Variants in FRMD4A observed in about 807,000 individuals in gnomAD.
FRMD4A encodes FERM domain-containing protein 4A.
Under a neutral mutation model 129.1 loss-of-function variants are expected in FRMD4A, and 29 were observed. That is an observed-to-expected ratio of 0.22 (90% CI 0.17 to 0.31). The LOEUF is 0.31. Among genes scored for constraint, FRMD4A ranks in the 10% least tolerant of loss-of-function variants. The probability of loss-of-function intolerance (pLI) is 1.00; values close to 1 mark genes in which losing one functional copy is unlikely to be tolerated. For synonymous variants in FRMD4A, 634 were observed against 571.6 expected, an observed-to-expected ratio of 1.11 and a Z score of -1.56; for missense variants, 1,272 against 1,375.8, an observed-to-expected ratio of 0.92 and a Z score of 1.19.
chr10:13,657,253 G>A lies in FRMD4A; in HGVS notation c.2336C>T (p.Ala779Val), dbSNP rs139853925. 1.3e-6 allele frequency: 2 copies of A among 1,595,288 alleles called. No individual in the cohort carries two copies. The highest frequency in any genetic ancestry group is 1.7e-6 in the Non-Finnish European group (2 of 1,174,660). ...STLAEDSPSK[A>V]RQRQRQRQRA... Reference sequence around the variant, plus strand: ...CTGCCGCTGCCTCTGCCTCTGGCGCGCCTTGGACGGCGAGTCCTCGGCCAG... The same window carrying A: ...CTGCCGCTGCCTCTGCCTCTGGCGCACCTTGGACGGCGAGTCCTCGGCCAG... Residue 779 changes from alanine to valine, a missense_variant, in exon 22 of 25, where the codon GCG (alanine) becomes GTG (valine). Transcript: ENST00000357447.
chr10:13,893,433 G>T (rs1176305958), intron 2 of FRMD4A, among the ~76,000 whole-genome samples: 1 of 152,142 alleles, frequency 6.6e-6, no homozygotes, highest in Non-Finnish European at 1.5e-5. Context: ...AGGGCATATT[G>T]TTTCTTTGCA....
At chr10:14,203,539 G>A (rs976001264) in intron 2 of FRMD4A, among the ~76,000 whole-genome samples, 5 of 152,170 alleles carry the variant, frequency 3.3e-5, no homozygotes, top group African/African-American at 1.2e-4. Context: ...TCTGGCTTTT[G>A]CCCTTCTCTA....
At chr10:13,865,585 G>A (rs893281979) in intron 2 of FRMD4A, among the ~76,000 whole-genome samples, 1 of 151,704 alleles carries the variant, frequency 6.6e-6, no homozygotes, top group Non-Finnish European at 1.5e-5. Context: ...TGAGTATCTG[G>A]GACTACAGGC....
At chr10:13,979,034 G>A (rs1248249033) in intron 2 of FRMD4A, among the ~76,000 whole-genome samples, 2 of 152,128 alleles carry the variant, frequency 1.3e-5, no homozygotes, top group East Asian at 1.9e-4. Context: ...AACCAGAGCC[G>A]CCTGAATTAA....
chr10:13,964,490 G>GA, intron 2 of FRMD4A, among the ~76,000 whole-genome samples: 1 of 140,816 alleles, frequency 7.1e-6, no homozygotes. Context: ...GGTGGGTGGG[G>GA]AGGCAATAGA....
chr10:14,136,482 T>C (rs1839541575), intron 2 of FRMD4A, among the ~76,000 whole-genome samples: 1 of 152,144 alleles, frequency 6.6e-6, no homozygotes, highest in African/African-American at 2.4e-5. Flanking sequence ...TCCTCTGCCC[T>C]ATTGCTTATG....
chr10:13,839,029 C>G (rs1387167432), intron 3 of FRMD4A, among the ~76,000 whole-genome samples: 6 of 112,500 alleles, frequency 5.3e-5, no homozygotes, highest in Admixed American at 2.5e-4. Flanking sequence ...TAGGGTCTTG[C>G]TCTGTCACTC....
At chr10:13,799,284 AGTAGCT>A (rs1341203143) in intron 4 of FRMD4A, among the ~76,000 whole-genome samples, 2 of 151,976 alleles carry the variant, frequency 1.3e-5, no homozygotes, top group Non-Finnish European at 2.9e-5. Context: ...CAGCCTCCTG[AGTAGCT>A]GGGACTACAG....
At chr10:13,742,892 A>G (rs566540648) in intron 9 of FRMD4A, among the ~76,000 whole-genome samples, 54 of 152,002 alleles carry the variant, frequency 3.6e-4, no homozygotes, top group African/African-American at 1.2e-3. Flanking sequence ...CAGTTTTAGC[A>G]AGGCCAGTGT....
chr10:14,271,809 A>T (rs1439598536), intron 2 of FRMD4A, among the ~76,000 whole-genome samples: 1 of 152,218 alleles, frequency 6.6e-6, no homozygotes, highest in Non-Finnish European at 1.5e-5. Context: ...TTGCATTTTT[A>T]AAAATGCACG....
chr10:14,131,220 C>T (rs926886592), intron 2 of FRMD4A, among the ~76,000 whole-genome samples: 1 of 152,186 alleles, frequency 6.6e-6, no homozygotes, highest in Non-Finnish European at 1.5e-5. Context: ...AATCTCTCCT[C>T]TAACGACAAC....
At chr10:14,151,116 G>A (rs1840317118) in intron 2 of FRMD4A, among the ~76,000 whole-genome samples, 2 of 152,118 alleles carry the variant, frequency 1.3e-5, no homozygotes, top group Admixed American at 1.3e-4. Flanking sequence ...TCCTGAGTCT[G>A]GTAGGGTATC....
At chr10:14,258,917 G>A (rs1564422809) in intron 2 of FRMD4A, among the ~76,000 whole-genome samples, 1 of 152,150 alleles carries the variant, frequency 6.6e-6, no homozygotes, top group Non-Finnish European at 1.5e-5. Context: ...AGTACATGTT[G>A]CATGAATCTA....
intron 2 of FRMD4A, among the ~76,000 whole-genome samples, chr10:14,130,258 A>G (rs10906605): frequency 0.35 from 53,454 of 152,006 alleles, 9,644 homozygotes; most frequent in East Asian, 0.55. Flanking sequence ...TATTTTTAAA[A>G]ACTAATTTGT....
At chr10:13,997,619 CTTTTCTTTTTTTT>C (rs2095627333) in intron 2 of FRMD4A, among the ~76,000 whole-genome samples, 2 of 127,616 alleles carry the variant, frequency 1.6e-5, no homozygotes, top group East Asian at 6.4e-4. Flanking sequence ...CTTTTCTTTT[CTTTTCTTTTTTTT>C]TTTTTTTTGA....
rs527633113 is a variant in FRMD4A, at chr10:13,819,745, G to C, written c.112-8837C>G. ...GAGATGGGGTCTGGAGTGCGGGCTG[G>C]AGTACAGTGGCACGATCTCAGGCTG... On this transcript the variant is annotated intron_variant, in intron 3 of 24. Transcript: ENST00000357447. 4.0e-5 allele frequency among the ~76,000 whole-genome samples: 6 copies of C among 149,658 alleles called. No homozygotes were observed. The Admixed American group carries it at 4.0e-4, about 10-fold the overall frequency.
chr10:13,859,202 T>C (rs546215694), intron 2 of FRMD4A, among the ~76,000 whole-genome samples: 22 of 152,188 alleles, frequency 1.4e-4, no homozygotes, highest in Admixed American at 1.0e-3. Flanking sequence ...CTGACTAACA[T>C]GGAGAAACCC....
Position 13,693,910 on chromosome 10 carries a change from GGCTGCCGCT to G in FRMD4A, c.1096_1104del (p.Ser366_Ser368del). 3.1e-6 allele frequency: 5 copies of G among 1,608,260 alleles called. 1 individual carries two copies. The highest frequency in any genetic ancestry group is 4.2e-6 in the Non-Finnish European group (5 of 1,178,118). On this transcript the variant is annotated inframe_deletion, in exon 15 of 25. Coordinates refer to ENST00000357447, the MANE Select transcript of FRMD4A (RefSeq NM_018027.5). Reference sequence around the variant, plus strand: ...GGCCTCTGCCTACCTGAAGACAGCAGGCTGCCGCTGCTGCCGCTGATGATCTTCCCCTTG... The same window carrying G: ...GGCCTCTGCCTACCTGAAGACAGCAGGCTGCCGCTGATGATCTTCCCCTTG...
chr10:14,185,494 T>G (rs1250388487), intron 2 of FRMD4A, among the ~76,000 whole-genome samples: 2 of 152,188 alleles, frequency 1.3e-5, no homozygotes, highest in Admixed American at 6.5e-5. Context: ...GTAATTTTTC[T>G]AACTTCAAGT....
Sources: gnomAD v4.1 joint callset for allele counts (sites outside exome capture counted in the v4.1 genomes callset) on GRCh38, gnomAD v4.1.1 for gene constraint, MANE v1.5 for transcripts, NCBI Gene and HGNC (gene_info 2026-07-23, HGNC 2026-07-21) for gene names.